LONP2: variants seen among roughly 807,000 people sequenced by gnomAD.
LONP2 encodes the protein lon peptidase 2, peroxisomal, also known as lon protease homolog 2, peroxisomal.
In LONP2, 60 loss-of-function variants were observed where a neutral mutation model predicts 85.6. The observed-to-expected ratio is 0.70, with a 90% CI of 0.57 to 0.87. The LOEUF is 0.87. Ranked by LOEUF, LONP2 falls within the 40% of genes least tolerant of loss-of-function variation. The pLI is 0.00. For missense variants in LONP2, 860 were observed against 1,063.5 expected (o/e 0.81, Z 2.66); for synonymous variants, 395 against 389.7 (o/e 1.01, Z -0.16).
Position 48,252,119 on chromosome 16 carries a change from T to C in LONP2, c.234-12T>C, listed in dbSNP as rs370785064. On this transcript the variant is annotated splice_polypyrimidine_tract_variant and intron_variant, in intron 1 of 14. Transcript: ENST00000285737. The stretch of plus-strand genomic sequence containing the variant: ...GAATGTTTGTAATACCGATGTTTTG[T>C]GTGTTTTTCAGGATTGGCACAGCTG... The C allele has an allele frequency of 2.3e-5, 36 of 1,545,358 alleles. No individual in the cohort carries two copies. The highest frequency in any genetic ancestry group is 2.7e-5 in the Non-Finnish European group (31 of 1,139,230).
chr16:48,270,318 T>G, intron 7 of LONP2, 44 bp downstream of exon 7: 1 of 1,599,810 alleles, frequency 6.3e-7, no homozygotes, highest in Non-Finnish European at 8.5e-7. Context: ...CTCTTTCTTT[T>G]TAATTGACTA....
intron 8 of LONP2, among the ~76,000 whole-genome samples, chr16:48,289,481 C>T (rs1409885269): frequency 6.6e-6 from 1 of 152,108 alleles, no homozygotes; most frequent in African/African-American, 2.4e-5. Context: ...CCTCAGTGAG[C>T]AGAGGGGTGA....
intron 8 of LONP2, among the ~76,000 whole-genome samples, chr16:48,283,136 A>G (rs528512991): frequency 1.3e-5 from 2 of 152,372 alleles, no homozygotes; most frequent in South Asian, 4.1e-4. Context: ...AAGCTGCAGA[A>G]GAAAAATTTG....
At chr16:48,274,987 C>T (rs1424315921) in intron 7 of LONP2, among the ~76,000 whole-genome samples, 1 of 152,130 alleles carries the variant, frequency 6.6e-6, no homozygotes, top group East Asian at 1.9e-4. Flanking sequence ...TCTCTCTTGT[C>T]TGCTATAAAA....
At chr16:48,313,722 C>G (rs1171165149) in intron 11 of LONP2, among the ~76,000 whole-genome samples, 1 of 152,152 alleles carries the variant, frequency 6.6e-6, no homozygotes, top group African/African-American at 2.4e-5. Flanking sequence ...TTTATCCAGT[C>G]TGTCATTGAT....
chr16:48,357,552 TTC>T (rs1960420312), downstream of LONP2, among the ~76,000 whole-genome samples: 1 of 152,238 alleles, frequency 6.6e-6, no homozygotes, highest in African/African-American at 2.4e-5. Flanking sequence ...CCTGTCGAGT[TTC>T]GACATTACTT....
chr16:48,288,703 C>CCTTATAATTCCCTTATTAT (rs1972500691), intron 8 of LONP2, among the ~76,000 whole-genome samples: 1 of 151,926 alleles, frequency 6.6e-6, no homozygotes, highest in African/African-American at 2.4e-5. Context: ...ATAAGGGTAC[C>CCTTATAATTCCCTTATTAT]AATTGTATTA....
At chr16:48,302,217 C>T (rs1028092237) in intron 10 of LONP2, among the ~76,000 whole-genome samples, 5 of 152,112 alleles carry the variant, frequency 3.3e-5, no homozygotes, top group African/African-American at 1.2e-4. Flanking sequence ...GTTAAGATGC[C>T]TCCCTGTTTT....
chr16:48,272,751 CTACTAT>C (rs2150978925), intron 7 of LONP2, among the ~76,000 whole-genome samples: 1 of 152,292 alleles, frequency 6.6e-6, no homozygotes, highest in South Asian at 2.1e-4. Flanking sequence ...GTTTGATTAA[CTACTAT>C]AGCAACCTGC....
intron 1 of LONP2, 114 bp downstream of exon 1, chr16:48,244,735 C>T (rs1456122470): frequency 1.9e-5 from 13 of 684,634 alleles, no homozygotes; most frequent in Non-Finnish European, 2.6e-5. Context: ...GCCTTCGCGG[C>T]TCGGTTCCGC....
At chr16:48,253,430 A>C (rs913364379) in intron 2 of LONP2, among the ~76,000 whole-genome samples, 2 of 151,968 alleles carry the variant, frequency 1.3e-5, no homozygotes, top group Admixed American at 6.6e-5. Flanking sequence ...AGATTGCATC[A>C]CTGCATTCCA....
At chr16:48,315,125 A>G (rs752013672) in intron 11 of LONP2, among the ~76,000 whole-genome samples, 4 of 152,200 alleles carry the variant, frequency 2.6e-5, no homozygotes, top group Non-Finnish European at 5.9e-5. Context: ...GCTTTAGGTC[A>G]CCCCTCATCA....
chr16:48,335,601 T>C (rs1244046197), intron 12 of LONP2, among the ~76,000 whole-genome samples: 3 of 152,242 alleles, frequency 2.0e-5, no homozygotes, highest in African/African-American at 7.2e-5. Context: ...GGAAAAAATA[T>C]TTTCAGAAAA....
At chr16:48,313,980 CTT>C (rs1973088000) in intron 11 of LONP2, among the ~76,000 whole-genome samples, 1 of 152,178 alleles carries the variant, frequency 6.6e-6, no homozygotes, top group Admixed American at 6.5e-5. Flanking sequence ...TGTTTCTTGA[CTT>C]TTTAATAATT....
rs1960633028 is a variant in LONP2, at chr16:48,362,504, G to A, written c.*641G>A. 8.3e-6 allele frequency: 12 copies of A among 1,438,148 alleles called. No individual in the cohort carries two copies. Among genetic ancestry groups the A allele is most frequent in the Admixed American group, 2.0e-5 (1 of 49,784 alleles). The allele number at this position is 1,438,148 out of a possible 1,614,324, so 89.1% of individuals were successfully genotyped here. A position where few individuals can be genotyped will look rare whatever the true frequency, so the allele number is the denominator to read the frequency against. On this transcript the variant is annotated 3_prime_UTR_variant, in exon 5 of 5. Transcript: ENST00000565867. The surrounding 1 kb of genome is among the most constrained non-coding windows in gnomAD (Gnocchi z 4.2). Reference sequence around the variant, plus strand: ...CTTACTTTATAAATAATGTTTACATGCCATAAGTCCTTTTAAAGTTTCATA... The same window carrying A: ...CTTACTTTATAAATAATGTTTACATACCATAAGTCCTTTTAAAGTTTCATA...
At chr16:48,288,043 G>C (rs1221932010) in intron 8 of LONP2, among the ~76,000 whole-genome samples, 1 of 151,638 alleles carries the variant, frequency 6.6e-6, no homozygotes, top group Non-Finnish European at 1.5e-5. Context: ...TCAAAGATTT[G>C]TGTGTGAGTT....
intron 4 of LONP2, among the ~76,000 whole-genome samples, chr16:48,259,522 C>G (rs1971832166): frequency 6.6e-6 from 1 of 152,214 alleles, no homozygotes; most frequent in African/African-American, 2.4e-5. Flanking sequence ...TGGCATTTCT[C>G]TGAAGGTGTT....
chr16:48,260,112 T>C (rs1770068191), intron 4 of LONP2, among the ~76,000 whole-genome samples: 1 of 152,184 alleles, frequency 6.6e-6, no homozygotes, highest in Non-Finnish European at 1.5e-5. Context: ...CTTATAAAAA[T>C]CTCACTTTTA....
intron 12 of LONP2, among the ~76,000 whole-genome samples, chr16:48,340,104 G>A (rs1280192188): frequency 1.3e-5 from 2 of 152,184 alleles, no homozygotes; most frequent in Admixed American, 1.3e-4. Context: ...CTTCCTGAAT[G>A]TCAGAGACAG....
Sources: allele counts gnomAD v4.1 joint callset (sites outside exome capture counted in the v4.1 genomes callset), GRCh38; gene constraint gnomAD v4.1.1; non-coding constraint Gnocchi (gnomAD v3.1); transcripts MANE v1.5; gene names NCBI Gene and HGNC (gene_info 2026-07-23, HGNC 2026-07-21).